Variants in SRGAP2C observed in about 807,000 individuals in gnomAD.
SRGAP2C encodes the protein SLIT-ROBO Rho GTPase activating protein 2C, also known as SLIT-ROBO Rho GTPase-activating protein 2C.
A neutral mutation model predicts 25.1 loss-of-function variants in SRGAP2C; 15 were observed. That is an observed-to-expected ratio of 0.60 (90% CI 0.40 to 0.92). The LOEUF is 0.92. Ranked by LOEUF, SRGAP2C falls within the 40% of genes least tolerant of loss-of-function variation. The pLI, the probability that SRGAP2C is intolerant of heterozygous loss-of-function variation, is 0.00. For synonymous variants in SRGAP2C, 44 were observed against 96.6 expected (o/e 0.46, Z 3.19); for missense variants, 144 against 264.4 (o/e 0.54, Z 3.16).
intron 2 of SRGAP2C, among the ~76,000 whole-genome samples, chr1:121,266,556 C>T (rs1268909355): frequency 4.1e-5 from 6 of 147,622 alleles, no homozygotes; most frequent in African/African-American, 1.5e-4. Flanking sequence ...GAAGGAGTTG[C>T]CATGATTGCG....
chr1:121,339,252 CTT>C (rs1185472819), intron 4 of SRGAP2C, among the ~76,000 whole-genome samples: 44 of 89,628 alleles, frequency 4.9e-4, no homozygotes, highest in African/African-American at 1.9e-3. Context: ...GCTATGTTGT[CTT>C]TTTTTTTTTT....
chr1:121,288,737 C>T (rs1486478533), intron 3 of SRGAP2C, among the ~76,000 whole-genome samples: 6 of 54,510 alleles, frequency 1.1e-4, no homozygotes, highest in African/African-American at 1.4e-4. Flanking sequence ...ACATCCTCAC[C>T]AGAGCAGCTA....
chr1:121,285,402 T>TCGCACACA (rs1452003957), intron 3 of SRGAP2C, among the ~76,000 whole-genome samples: 1 of 128,232 alleles, frequency 7.8e-6, no homozygotes, highest in African/African-American at 2.8e-5. Context: ...TCTCTCTCTC[T>TCGCACACA]CTCACACACA....
At chr1:121,366,152 A>AG (rs1308187244) in intron 5 of SRGAP2C, among the ~76,000 whole-genome samples, 3 of 144,866 alleles carry the variant, frequency 2.1e-5, no homozygotes, top group Non-Finnish European at 3.0e-5. Context: ...AATGCCTTTC[A>AG]GGGGCCCCTT....
rs1454560548 is a variant in SRGAP2C, at chr1:121,270,938, G to A, written c.68-13865G>A. On this transcript the variant is annotated intron_variant, in intron 2 of 9. Coordinates refer to ENST00000367123, the MANE Select transcript of SRGAP2C (RefSeq NM_001329984.2). ...CTCCTGAGTAGCTGGGACTACAGGC[G>A]CCCGCCACCACGCCCAGCTACTTTT... 1.8e-4 allele frequency among the ~76,000 whole-genome samples: 27 copies of A among 150,774 alleles called. 1 individual carries two copies. The East Asian group carries it at 3.1e-3, about 17-fold the overall frequency.
chr1:121,336,445 T>TC (rs1170650734), intron 4 of SRGAP2C, among the ~76,000 whole-genome samples: 30 of 106,054 alleles, frequency 2.8e-4, no homozygotes, highest in Admixed American at 6.2e-4. Flanking sequence ...TCTCTCTCCC[T>TC]CCCCCCCTTC....
chr1:121,307,374 A>G (rs1193538253), intron 3 of SRGAP2C, among the ~76,000 whole-genome samples: 2 of 151,694 alleles, frequency 1.3e-5, no homozygotes, highest in African/African-American at 4.9e-5. Flanking sequence ...GTTGAATCCC[A>G]CAGTTTGTAA....
chr1:121,221,774 G>T (rs1553325675), intron 2 of SRGAP2C, among the ~76,000 whole-genome samples: 1 of 135,074 alleles, frequency 7.4e-6, no homozygotes, highest in African/African-American at 3.0e-5. Context: ...ATTCTGAACT[G>T]TGTAGAGTTG....
At chr1:121,226,251 C>CAT (rs1189951005) in intron 2 of SRGAP2C, among the ~76,000 whole-genome samples, 9 of 91,034 alleles carry the variant, frequency 9.9e-5, no homozygotes, top group African/African-American at 4.0e-4. Flanking sequence ...GAAGAAAAGA[C>CAT]TTTTTTTTTT....
chr1:121,294,590 G>GTTT (rs1211463871), intron 3 of SRGAP2C, among the ~76,000 whole-genome samples: 10 of 57,910 alleles, frequency 1.7e-4, no homozygotes, highest in African/African-American at 3.5e-4. Flanking sequence ...TGCATTGGCT[G>GTTT]TTTTTTTTTT....
intron 3 of SRGAP2C, among the ~76,000 whole-genome samples, chr1:121,309,001 A>G (rs1219407881): frequency 3.0e-5 from 4 of 131,530 alleles, no homozygotes; most frequent in African/African-American, 1.1e-4. Context: ...GGAATTTATG[A>G]AACAAGTTTA....
chr1:121,219,143 A>G (rs1655470352), intron 2 of SRGAP2C, among the ~76,000 whole-genome samples: 1 of 150,392 alleles, frequency 6.6e-6, no homozygotes, highest in Non-Finnish European at 1.5e-5. Context: ...TTAAAATAAC[A>G]AGTATACCTA....
At chr1:121,368,404 C>CA (rs781901337) in intron 5 of SRGAP2C, among the ~76,000 whole-genome samples, 415 of 124,842 alleles carry the variant, frequency 3.3e-3, no homozygotes, top group African/African-American at 8.5e-3. Context: ...GACTCTGTCT[C>CA]AAAAAAAAAA....
chr1:121,208,634 A>G (rs1553322941), intron 2 of SRGAP2C, among the ~76,000 whole-genome samples: 1 of 152,094 alleles, frequency 6.6e-6, no homozygotes, highest in African/African-American at 2.4e-5. Context: ...GGTCATACCA[A>G]TCACACTATT....
At chr1:121,379,039 T>C (rs1659744367) in intron 7 of SRGAP2C, among the ~76,000 whole-genome samples, 2 of 152,138 alleles carry the variant, frequency 1.3e-5, no homozygotes, top group Admixed American at 1.3e-4. Context: ...CAGGAGCAGA[T>C]GGATGAATGA....
rs369432504 is a variant in SRGAP2C at position 121,270,918 on chromosome 1, G to A, written c.68-13885G>A. Among the ~76,000 whole-genome samples, 27 of 150,578 alleles carry A rather than the reference G, an allele frequency of 1.8e-4. No individual in the cohort carries two copies. The East Asian group carries it at 3.9e-3, about 22-fold the overall frequency. On this transcript the variant is annotated intron_variant, in intron 2 of 9. Coordinates refer to ENST00000367123, the MANE Select transcript of SRGAP2C (RefSeq NM_001329984.2). ...CGCCATTCTCCTGCCTCAGCCTCCT[G>A]AGTAGCTGGGACTACAGGCGCCCGC...
At chr1:121,293,717 C>T (rs1279400041) in intron 3 of SRGAP2C, among the ~76,000 whole-genome samples, 1 of 149,394 alleles carries the variant, frequency 6.7e-6, no homozygotes, top group East Asian at 2.0e-4. Context: ...TCATTCTCTG[C>T]CCAGAACATC....
intron 3 of SRGAP2C, among the ~76,000 whole-genome samples, chr1:121,309,579 C>A (rs1570775258): frequency 6.6e-6 from 1 of 151,178 alleles, no homozygotes; most frequent in Admixed American, 6.6e-5. Flanking sequence ...CCCACTCCCC[C>A]AACCCCACCA....
chr1:121,260,829 A>G (rs1397438030), intron 2 of SRGAP2C, among the ~76,000 whole-genome samples: 1 of 76,892 alleles, frequency 1.3e-5, no homozygotes, highest in Non-Finnish European at 2.7e-5. Context: ...AGAATCTCAA[A>G]TACTTACGAT....
Sources: gnomAD v4.1 joint callset for allele counts (sites outside exome capture counted in the v4.1 genomes callset) on GRCh38, gnomAD v4.1.1 for gene constraint, MANE v1.5 for transcripts, NCBI Gene and HGNC (gene_info 2026-07-23, HGNC 2026-07-21) for gene names.